AK8: variants seen among roughly 807,000 people sequenced by gnomAD.
AK8 encodes adenylate kinase 8.
In AK8, 44 loss-of-function variants were observed where a neutral mutation model predicts 54.6. The ratio of observed to expected loss-of-function variants is 0.81; its 90% confidence interval spans 0.63 to 1.04. The LOEUF is 1.04. Ranked by LOEUF, AK8 falls within the 50% of genes least tolerant of loss-of-function variation. The pLI, the probability that AK8 is intolerant of heterozygous loss-of-function variation, is 0.00. For missense variants in AK8, 555 were observed against 613.6 expected, an observed-to-expected ratio of 0.90 and a Z score of 1.01; for synonymous variants, 239 against 245.6, an observed-to-expected ratio of 0.97 and a Z score of 0.25.
intron 11 of AK8, among the ~76,000 whole-genome samples, chr9:132,754,800 GTT>G (rs1239318902): frequency 9.3e-5 from 13 of 139,330 alleles, no homozygotes; most frequent in Non-Finnish European, 1.1e-4. Context: ...TTGTTTTTTG[GTT>G]TTTTTTTTTT....
At chr9:132,821,494 C>T (rs1841606724) in intron 9 of AK8, among the ~76,000 whole-genome samples, 1 of 151,838 alleles carries the variant, frequency 6.6e-6, no homozygotes, top group African/African-American at 2.4e-5. Context: ...TCTAAATGTC[C>T]TGATTAATTT....
At position 132,817,169 on chromosome 9, in the gene AK8, A is replaced by G. The variant is rs562824568; in HGVS notation, c.890-2442T>C. Among the ~76,000 whole-genome samples the G allele has an allele frequency of 3.2e-4, 48 of 152,282 alleles. No homozygotes were observed. In the East Asian group the frequency reaches 6.0e-3, roughly 19 times the overall value. ...AAGGGCAGACCTTAGCTGCAGGGATACTCTAGCCCTAGAGTAAGAACACTC... is the reference window on the plus strand; with the variant it reads ...AAGGGCAGACCTTAGCTGCAGGGATGCTCTAGCCCTAGAGTAAGAACACTC... On this transcript the variant is annotated intron_variant, in intron 9 of 12. Coordinates refer to ENST00000298545, the MANE Select transcript of AK8 (RefSeq NM_152572.3).
intron 10 of AK8, among the ~76,000 whole-genome samples, chr9:132,809,204 G>A (rs1840875603): frequency 1.3e-5 from 2 of 152,178 alleles, no homozygotes; most frequent in African/African-American, 4.8e-5. Flanking sequence ...TTGAAAAGGG[G>A]AATCTGGGAT....
At chr9:132,865,590 G>A (rs183581025) in intron 3 of AK8, among the ~76,000 whole-genome samples, 1 of 152,092 alleles carries the variant, frequency 6.6e-6, no homozygotes, top group East Asian at 1.9e-4. Flanking sequence ...GGGAGGCCGA[G>A]GATCATGAGG....
chr9:132,814,510 A>G, intron 10 of AK8, 128 bp downstream of exon 10: 1 of 905,432 alleles, frequency 1.1e-6, no homozygotes, highest in Non-Finnish European at 1.6e-6. Context: ...TGCTTACAAG[A>G]AAACCCAATT....
chr9:132,744,128 G>A (rs535152830), intron 11 of AK8, among the ~76,000 whole-genome samples: 11 of 152,216 alleles, frequency 7.2e-5, no homozygotes, highest in African/African-American at 2.6e-4. Context: ...CGTAGGGGGT[G>A]TGCCGGCTCA....
chr9:132,801,772 T>G (rs755876299), intron 10 of AK8, among the ~76,000 whole-genome samples: 27 of 152,268 alleles, frequency 1.8e-4, no homozygotes, highest in African/African-American at 6.3e-4. Context: ...GTCTTTGTTC[T>G]AATACAAATA....
intron 11 of AK8, among the ~76,000 whole-genome samples, chr9:132,778,931 T>C (rs1839342686): frequency 6.8e-6 from 1 of 146,930 alleles, no homozygotes; most frequent in African/African-American, 2.6e-5. Flanking sequence ...GGCAATTTTG[T>C]CTTTGACTAT....
Position 132,803,864 on chromosome 9 carries a change from C to G in AK8, c.979+10774G>C, listed in dbSNP as rs1840584347. ...TGGTGGTTCACGCCTGTAATCCCAGCACTTTGGGAGGCCGAGGCTGGCGGA... is the reference window on the plus strand; with the variant it reads ...TGGTGGTTCACGCCTGTAATCCCAGGACTTTGGGAGGCCGAGGCTGGCGGA... On this transcript the variant is annotated intron_variant, in intron 10 of 12. Coordinates refer to ENST00000298545, the MANE Select transcript of AK8 (RefSeq NM_152572.3). The surrounding 1 kb of genome is among the most constrained non-coding windows in gnomAD (Gnocchi z 4.4). Among the ~76,000 whole-genome samples, 1 of 152,118 alleles carries G rather than the reference C, an allele frequency of 6.6e-6. No homozygotes were observed. The highest frequency in any genetic ancestry group is 6.6e-5 in the Admixed American group (1 of 15,266).
chr9:132,757,448 A>C (rs868400507), intron 11 of AK8, among the ~76,000 whole-genome samples: 7 of 152,372 alleles, frequency 4.6e-5, no homozygotes, highest in African/African-American at 1.2e-4. Context: ...AATCCGGGCT[A>C]TGCCTGGGGG....
chr9:132,878,635 T>G, upstream of AK8: 2 of 1,034,784 alleles, frequency 1.9e-6, no homozygotes, highest in Non-Finnish European at 1.2e-6. This position sits in a 1 kb window ranked among gnomAD's most constrained non-coding sequence, Gnocchi z 4.7. Context: ...CGGCTCCCTG[T>G]GCCTCAGTTT....
At chr9:132,769,899 C>T (rs1838882937) in intron 11 of AK8, 1 of 152,222 alleles carries the variant, frequency 6.6e-6, no homozygotes, top group South Asian at 2.1e-4. Flanking sequence ...CTCTTCTCAT[C>T]ATTAGCTTAT....
intron 11 of AK8, among the ~76,000 whole-genome samples, chr9:132,782,829 C>CG (rs1839535861): frequency 6.6e-6 from 1 of 152,158 alleles, no homozygotes; most frequent in African/African-American, 2.4e-5. Context: ...ACAGGAATAA[C>CG]GGCAGTAAAA....
chr9:132,878,668 G>T, upstream of AK8: 1 of 1,001,560 alleles, frequency 1.0e-6, no homozygotes, highest in Non-Finnish European at 1.2e-6. This position sits in a 1 kb window ranked among gnomAD's most constrained non-coding sequence, Gnocchi z 4.7. Context: ...AACAGACGCG[G>T]GAATAAATGT....
intron 4 of AK8, 67 bp from the exon 5 acceptor site, chr9:132,854,992 G>T: frequency 1.9e-6 from 3 of 1,542,970 alleles, no homozygotes; most frequent in Non-Finnish European, 1.8e-6. Context: ...ACACAGACCA[G>T]CACACACCCT....
chr9:132,821,152 T>A (rs924673573), intron 9 of AK8, among the ~76,000 whole-genome samples: 1 of 151,720 alleles, frequency 6.6e-6, no homozygotes, highest in Non-Finnish European at 1.5e-5. Flanking sequence ...TTTTATTGAA[T>A]GAGAGTGTCT....
At chr9:132,878,707 G>T, upstream of AK8, 1 of 988,560 alleles carries the variant, frequency 1.0e-6, no homozygotes. The surrounding 1 kb of genome is among the most constrained non-coding windows in gnomAD (Gnocchi z 4.7). Context: ...GGGGAGGGGC[G>T]TCCATGAGAT....
At chr9:132,776,948 A>C (rs1162933423) in intron 11 of AK8, among the ~76,000 whole-genome samples, 1 of 152,164 alleles carries the variant, frequency 6.6e-6, no homozygotes, top group Non-Finnish European at 1.5e-5. Flanking sequence ...GGAGCCTCCA[A>C]AATTATTTAA....
intron 11 of AK8, among the ~76,000 whole-genome samples, chr9:132,727,886 G>C (rs1424240597): frequency 6.6e-6 from 1 of 152,156 alleles, no homozygotes; most frequent in Non-Finnish European, 1.5e-5. Context: ...TGACTTGTCT[G>C]CATTCTGGGA....
Sources: gnomAD v4.1 joint callset for allele counts (sites outside exome capture counted in the v4.1 genomes callset) on GRCh38, gnomAD v4.1.1 for gene constraint, Gnocchi (gnomAD v3.1) non-coding constraint, MANE v1.5 for transcripts, NCBI Gene and HGNC (gene_info 2026-07-23, HGNC 2026-07-21) for gene names.